PTBP2: variants seen among roughly 807,000 people sequenced by gnomAD.
PTBP2 encodes the protein polypyrimidine tract binding protein 2.
PTBP2 carries 13 observed loss-of-function variants against 61.4 expected under a neutral mutation model. That is an observed-to-expected ratio of 0.21 (90% CI 0.14 to 0.34). The LOEUF (loss-of-function observed/expected upper bound fraction) is 0.34. PTBP2 is among the 10% of genes least tolerant of loss of function. The probability of loss-of-function intolerance (pLI) is 1.00; values close to 1 mark genes in which losing one functional copy is unlikely to be tolerated. For missense variants in PTBP2, 405 were observed against 642.6 expected (o/e 0.63, Z 4.00); for synonymous variants, 215 against 218.5 (o/e 0.98, Z 0.14).
intron 2 of PTBP2, among the ~76,000 whole-genome samples, chr1:96,743,267 A>ACTC (rs35234383): frequency 0.35 from 50,053 of 144,832 alleles, 8,629 homozygotes; most frequent in East Asian, 0.47. Flanking sequence ...ACAGAGCAAG[A>ACTC]CTCCGTCTTA....
At chr1:96,797,739 T>A (rs922460634) in intron 8 of PTBP2, among the ~76,000 whole-genome samples, 2 of 152,228 alleles carry the variant, frequency 1.3e-5, no homozygotes, top group African/African-American at 2.4e-5. Context: ...AGATTACTTA[T>A]ATTACCCAGT....
At chr1:96,740,137 G>A (rs1652805092) in intron 2 of PTBP2, among the ~76,000 whole-genome samples, 1 of 152,040 alleles carries the variant, frequency 6.6e-6, no homozygotes, top group African/African-American at 2.4e-5. Flanking sequence ...ATTCCATTGT[G>A]GTACACAAAA....
chr1:96,782,435 T>G (rs1365922276), intron 7 of PTBP2, among the ~76,000 whole-genome samples: 3 of 152,024 alleles, frequency 2.0e-5, no homozygotes, highest in Non-Finnish European at 4.4e-5. Context: ...CCTTTGCTAA[T>G]TTCTTGGGCA....
intron 9 of PTBP2, among the ~76,000 whole-genome samples, chr1:96,805,638 CAGTG>C (rs1553188117): frequency 6.6e-6 from 1 of 151,940 alleles, no homozygotes; most frequent in Non-Finnish European, 1.5e-5. Context: ...GTGGGAAGCT[CAGTG>C]TATCAGTTTA....
intron 3 of PTBP2, among the ~76,000 whole-genome samples, chr1:96,756,845 C>T (rs1273314510): frequency 1.3e-5 from 2 of 152,130 alleles, no homozygotes; most frequent in Non-Finnish European, 2.9e-5. Context: ...CTGCATGATA[C>T]TATAATGATA....
At chr1:96,726,822 A>G (rs1650619951) in intron 2 of PTBP2, among the ~76,000 whole-genome samples, 1 of 152,158 alleles carries the variant, frequency 6.6e-6, no homozygotes, top group African/African-American at 2.4e-5. Context: ...TGACTCCATC[A>G]TCCGCCCGCC....
chr1:96,810,965 GT>G (rs1662023194), intron 11 of PTBP2, among the ~76,000 whole-genome samples: 1 of 151,950 alleles, frequency 6.6e-6, no homozygotes, highest in South Asian at 2.1e-4. Context: ...TGAGAAGATT[GT>G]TTTGTTTTTT....
chr1:96,785,009 ATTTTTAT>A, intron 7 of PTBP2, 43 bp from the exon 8 acceptor site: 1 of 1,357,820 alleles, frequency 7.4e-7, no homozygotes, highest in Non-Finnish European at 9.9e-7. Context: ...ACTTTCACTA[ATTTTTAT>A]TTTTTGTTTA....
At chr1:96,767,663 T>G (rs1656888138) in intron 3 of PTBP2, among the ~76,000 whole-genome samples, 2 of 152,196 alleles carry the variant, frequency 1.3e-5, no homozygotes, top group African/African-American at 4.8e-5. Context: ...TTATGTGTTT[T>G]AAAGTATATG....
At chr1:96,800,878 A>G (rs1392927039) in intron 8 of PTBP2, among the ~76,000 whole-genome samples, 2 of 152,118 alleles carry the variant, frequency 1.3e-5, no homozygotes, top group Non-Finnish European at 2.9e-5. Flanking sequence ...GTATTATACC[A>G]CCAAGTTATC....
Position 96,813,021 on chromosome 1 carries a change from T to G in PTBP2, c.1389-8T>G. Reference sequence around the variant, plus strand: ...TCTTCACTTTTTCTTCCCATTCAATTTTCCTAGTCCATCAGTAGCAGAAGA... The same window carrying G: ...TCTTCACTTTTTCTTCCCATTCAATGTTCCTAGTCCATCAGTAGCAGAAGA... On this transcript the variant is annotated splice_polypyrimidine_tract_variant and splice_region_variant and intron_variant, in intron 12 of 13. Transcript: ENST00000674951. The G allele has an allele frequency of 6.2e-7, 1 of 1,610,226 alleles. No homozygotes were observed. The highest frequency in any genetic ancestry group is 8.5e-7 in the Non-Finnish European group (1 of 1,176,718).
chr1:96,790,983 A>T (rs1318995758), intron 8 of PTBP2, among the ~76,000 whole-genome samples: 2 of 150,896 alleles, frequency 1.3e-5, no homozygotes, highest in Admixed American at 1.3e-4. Context: ...ATACCAATAG[A>T]TTATAAATCA....
intron 5 of PTBP2, among the ~76,000 whole-genome samples, chr1:96,773,299 A>C (rs1210123255): frequency 1.3e-5 from 2 of 152,024 alleles, no homozygotes; most frequent in Non-Finnish European, 2.9e-5. Context: ...TAATCAATGC[A>C]AAGTTCCTTC....
chr1:96,762,448 A>C (rs1443549054), intron 3 of PTBP2, among the ~76,000 whole-genome samples: 6 of 113,908 alleles, frequency 5.3e-5, no homozygotes, highest in Admixed American at 9.0e-5. Context: ...CGGGGGGCTG[A>C]CCCCCCCACC....
At chr1:96,751,921 T>C (rs1231171192) in intron 3 of PTBP2, among the ~76,000 whole-genome samples, 1 of 152,078 alleles carries the variant, frequency 6.6e-6, no homozygotes, top group Non-Finnish European at 1.5e-5. Flanking sequence ...TTTAAAACCA[T>C]TGCAACCATA....
intron 8 of PTBP2, among the ~76,000 whole-genome samples, chr1:96,803,018 T>A (rs939985665): frequency 3.3e-5 from 5 of 152,140 alleles, no homozygotes; most frequent in African/African-American, 9.6e-5. Context: ...ATTAGGAATG[T>A]ATACTTGACA....
chr1:96,801,042 G>A (rs577278098), intron 8 of PTBP2, among the ~76,000 whole-genome samples: 5 of 152,074 alleles, frequency 3.3e-5, no homozygotes, highest in Admixed American at 2.0e-4. Context: ...ATAGTGGCAC[G>A]GTAGGGTTGT....
chr1:96,780,552 GATA>G (rs1027707763), intron 7 of PTBP2, among the ~76,000 whole-genome samples: 3 of 152,016 alleles, frequency 2.0e-5, no homozygotes, highest in Non-Finnish European at 4.4e-5. Context: ...TTAATACCTA[GATA>G]ATATTTGGCA....
At chr1:96,781,355 T>C (rs577428550) in intron 7 of PTBP2, among the ~76,000 whole-genome samples, 1 of 152,106 alleles carries the variant, frequency 6.6e-6, no homozygotes, top group South Asian at 2.1e-4. Context: ...TAGTGACTTT[T>C]TTGTCCTTGC....
Sources: gnomAD v4.1 joint callset for allele counts (sites outside exome capture counted in the v4.1 genomes callset) on GRCh38, gnomAD v4.1.1 for gene constraint, MANE v1.5 for transcripts, NCBI Gene and HGNC (gene_info 2026-07-23, HGNC 2026-07-21) for gene names.